Variants in ZRANB1 observed in about 807,000 individuals in gnomAD.
The protein encoded by ZRANB1 is zinc finger RANBP2-type containing 1.
A neutral mutation model predicts 80.5 loss-of-function variants in ZRANB1; 16 were observed. That is an observed-to-expected ratio of 0.20 (90% CI 0.13 to 0.30). The LOEUF is 0.30. ZRANB1 is among the 10% of genes least tolerant of loss of function. The pLI, the probability that ZRANB1 is intolerant of heterozygous loss-of-function variation, is 1.00. For missense variants in ZRANB1, 576 were observed against 862.6 expected (o/e 0.67, Z 4.16); for synonymous variants, 291 against 293.1 (o/e 0.99, Z 0.07).
intron 1 of ZRANB1, among the ~76,000 whole-genome samples, chr10:124,956,911 A>G (rs1951691829): frequency 6.6e-6 from 1 of 152,170 alleles, no homozygotes; most frequent in Non-Finnish European, 1.5e-5. Context: ...TCTCGTGTGT[A>G]TTCTCTGAAC....
rs1418001382 is a variant in ZRANB1, at chr10:124,985,806, C to T, written c.*814C>T. On this transcript the variant is annotated 3_prime_UTR_variant, in exon 9 of 9. Coordinates refer to ENST00000359653, the MANE Select transcript of ZRANB1 (RefSeq NM_017580.3). ...ATGAAAAGGGAGCAAGCCCACTTGT[C>T]ACTAAATGAATTGTGTGAAATGTGC... The T allele has an allele frequency of 6.6e-6, 1 of 152,226 alleles. No homozygotes were observed. Among genetic ancestry groups the T allele is most frequent in the Non-Finnish European group, 1.5e-5 (1 of 68,040 alleles). 9.4% of individuals were successfully genotyped at this position (152,226 alleles called of 1,614,324 possible). A position where few individuals can be genotyped will look rare whatever the true frequency, so the allele number is the denominator to read the frequency against.
At chr10:124,924,250 A>C in the ZRANB1 span, among the ~76,000 whole-genome samples, 1 of 151,768 alleles carries the variant, frequency 6.6e-6, no homozygotes. Context: ...AAATATTTGA[A>C]TGCGTGATAT....
intron 2 of ZRANB1, among the ~76,000 whole-genome samples, chr10:124,971,535 G>C (rs553474320): frequency 1.9e-4 from 29 of 152,226 alleles, no homozygotes; most frequent in Non-Finnish European, 3.5e-4. Context: ...TAGGGTACTT[G>C]AAACTTGTGG....
chr10:124,987,364 A>T lies in ZRANB1; in HGVS notation c.*2372A>T, dbSNP rs999428577. 5 of 151,056 alleles carry T rather than the reference A, an allele frequency of 3.3e-5. No individual in the cohort carries two copies. Among genetic ancestry groups the T allele is most frequent in the African/African-American group, 1.2e-4 (5 of 41,142 alleles). 9.4% of individuals were successfully genotyped at this position (151,056 alleles called of 1,614,324 possible). Reference sequence around the variant, plus strand: ...CTTGTTCTTCCTTGGGGTCAAATTTATATATATATATATAAATTTTTGTTT... The same window carrying T: ...CTTGTTCTTCCTTGGGGTCAAATTTTTATATATATATATAAATTTTTGTTT... On this transcript the variant is annotated 3_prime_UTR_variant, in exon 9 of 9. Transcript: ENST00000359653.
Position 124,987,555 on chromosome 10 carries a change from C to T in ZRANB1, c.*2563C>T, listed in dbSNP as rs903437675. On this transcript the variant is annotated 3_prime_UTR_variant, in exon 9 of 9. Transcript: ENST00000359653. ...CTCCTTTTCACGCATATTTCATTGC[C>T]TCTTTGATGAGTGGTTACGAAGACG... The T allele has an allele frequency of 3.9e-5, 6 of 152,070 alleles. No individual in the cohort carries two copies. The highest frequency in any genetic ancestry group is 1.4e-4 in the African/African-American group (6 of 41,404). The allele number at this position is 152,070 out of a possible 1,614,324, so 9.4% of individuals were successfully genotyped here. A position where few individuals can be genotyped will look rare whatever the true frequency, so the allele number is the denominator to read the frequency against.
chr10:124,928,361 G>A, the ZRANB1 span, among the ~76,000 whole-genome samples: 1 of 152,208 alleles, frequency 6.6e-6, no homozygotes, highest in Non-Finnish European at 1.5e-5. Context: ...TTAGAAGGGA[G>A]GAGTGATCTC....
At chr10:124,945,342 G>A (rs566874899) in intron 1 of ZRANB1, 5 of 150,484 alleles carry the variant, frequency 3.3e-5, no homozygotes, top group Non-Finnish European at 7.4e-5. Flanking sequence ...TTACATATCT[G>A]TGAGCTTTTA....
the ZRANB1 span, among the ~76,000 whole-genome samples, chr10:124,919,404 G>T: frequency 1.3e-5 from 2 of 151,900 alleles, no homozygotes; most frequent in Non-Finnish European, 1.5e-5. Context: ...AAAATTTGCC[G>T]GGTATGGTGG....
chr10:124,983,058 T>A lies in ZRANB1; in HGVS notation c.1549-117T>A. ...AATCAAATGCTGCTTTGACAATCTT[T>A]TCTTTCTTAAAAACCAACTGCGATA... On this transcript the variant is annotated intron_variant, in intron 6 of 8. Transcript: ENST00000359653. This position sits in a 1 kb window ranked among gnomAD's most constrained non-coding sequence, Gnocchi z 6.2. The A allele has an allele frequency of 9.6e-7, 1 of 1,038,186 alleles. No homozygotes were observed. Among genetic ancestry groups the A allele is most frequent in the Non-Finnish European group, 1.4e-6 (1 of 732,184 alleles). The allele number at this position is 1,038,186 out of a possible 1,614,324, so 64.3% of individuals were successfully genotyped here. A position where few individuals can be genotyped will look rare whatever the true frequency, so the allele number is the denominator to read the frequency against.
At chr10:124,973,525 C>A in intron 3 of ZRANB1, 120 bp from the exon 4 acceptor site, 1 of 812,686 alleles carries the variant, frequency 1.2e-6, no homozygotes, top group Middle Eastern at 3.2e-4. Flanking sequence ...TGATAACCTT[C>A]AATGGAAAGG....
Position 124,987,402 on chromosome 10 carries a change from T to G in ZRANB1, c.*2410T>G, listed in dbSNP as rs1435160178. 1.3e-5 allele frequency: 2 copies of G among 151,982 alleles called. No individual in the cohort carries two copies. Among genetic ancestry groups the G allele is most frequent in the African/African-American group, 4.8e-5 (2 of 41,368 alleles). The allele number at this position is 151,982 out of a possible 1,614,324, so 9.4% of individuals were successfully genotyped here. On this transcript the variant is annotated 3_prime_UTR_variant, in exon 9 of 9. Coordinates refer to ENST00000359653, the MANE Select transcript of ZRANB1 (RefSeq NM_017580.3). ...TAAATTTTTGTTTGGGCGACCAAGATCTAATAATTAAAACCCAGGTGGACC... is the reference window on the plus strand; with the variant it reads ...TAAATTTTTGTTTGGGCGACCAAGAGCTAATAATTAAAACCCAGGTGGACC...
chr10:124,987,854 T>C lies in ZRANB1; in HGVS notation c.*2862T>C, dbSNP rs1405543937. 1.3e-5 allele frequency: 2 copies of C among 152,182 alleles called. No individual in the cohort carries two copies. The highest frequency in any genetic ancestry group is 4.8e-5 in the African/African-American group (2 of 41,444). 9.4% of individuals were successfully genotyped at this position (152,182 alleles called of 1,614,324 possible). A position where few individuals can be genotyped will look rare whatever the true frequency, so the allele number is the denominator to read the frequency against. On this transcript the variant is annotated 3_prime_UTR_variant, in exon 9 of 9. Transcript: ENST00000359653. ...ACTTAATTGACACTTGCAAATACTT[T>C]TAGTATAAAGGTTTAATTCTATTTA...
At chr10:124,979,002 C>T (rs1168535101) in intron 5 of ZRANB1, among the ~76,000 whole-genome samples, 1 of 151,882 alleles carries the variant, frequency 6.6e-6, no homozygotes, top group Non-Finnish European at 1.5e-5. Context: ...AGTTCAAGAC[C>T]AGCCTGGGCA....
Position 124,966,661 on chromosome 10 carries a change from G to A in ZRANB1, c.882G>A (p.Gln294=), listed in dbSNP as rs756486937. Reference sequence around the variant, plus strand: ...CATCAGGAGGAGACATTGCACGTCAGCTCACCGCAGATGAAGTACGCTTGC... The same window carrying A: ...CATCAGGAGGAGACATTGCACGTCAACTCACCGCAGATGAAGTACGCTTGC... ...YKSSGGDIAR[Q]LTADEVRLLN... The change falls in exon 2 of 9, where the codon CAG becomes CAA. Residue 294 remains glutamine, a synonymous_variant. Coordinates refer to ENST00000359653, the MANE Select transcript of ZRANB1 (RefSeq NM_017580.3). The A allele has an allele frequency of 1.1e-5, 17 of 1,614,030 alleles. No individual in the cohort carries two copies. The African/African-American group carries it at 2.0e-4, about 19-fold the overall frequency.
chr10:124,973,552 A>G (rs1357003430), intron 3 of ZRANB1, 93 bp from the exon 4 acceptor site: 2 of 1,084,482 alleles, frequency 1.8e-6, no homozygotes, highest in Non-Finnish European at 1.4e-6. Context: ...TTTTAGAGAA[A>G]GTTACTAGTA....
At chr10:124,973,437 G>A (rs570966013) in intron 3 of ZRANB1, among the ~76,000 whole-genome samples, 2 of 152,332 alleles carry the variant, frequency 1.3e-5, no homozygotes, top group Admixed American at 1.3e-4. Context: ...AATTATAGGC[G>A]TGAGCCATTG....
chr10:124,935,711 T>C, the ZRANB1 span, among the ~76,000 whole-genome samples: 5 of 152,222 alleles, frequency 3.3e-5, no homozygotes, highest in Admixed American at 1.3e-4. Context: ...CTGAGATTGC[T>C]CACAAGGTCT....
chr10:124,974,101 A>T (rs1319627338), intron 4 of ZRANB1, 99 bp from the exon 5 acceptor site: 22 of 1,239,022 alleles, frequency 1.8e-5, no homozygotes, highest in Admixed American at 6.3e-5. Flanking sequence ...TAAATTACAT[A>T]TAAACCATTT....
At chr10:124,979,180 T>TAAAA (rs1951910316) in intron 5 of ZRANB1, among the ~76,000 whole-genome samples, 1 of 152,156 alleles carries the variant, frequency 6.6e-6, no homozygotes. Flanking sequence ...TTCTAGGTCT[T>TAAAA]GAACTCCTGG....
Sources: allele counts gnomAD v4.1 joint callset (sites outside exome capture counted in the v4.1 genomes callset), GRCh38; gene constraint gnomAD v4.1.1; non-coding constraint Gnocchi (gnomAD v3.1); transcripts MANE v1.5; gene names NCBI Gene and HGNC (gene_info 2026-07-23, HGNC 2026-07-21).